PLCB1: variants seen among roughly 807,000 people sequenced by gnomAD.
PLCB1 encodes phospholipase C beta 1, also known as 1-phosphatidylinositol 4,5-bisphosphate phosphodiesterase beta-1.
Under a neutral mutation model 161.8 loss-of-function variants are expected in PLCB1, and 46 were observed. The ratio of observed to expected loss-of-function variants is 0.28; its 90% confidence interval spans 0.22 to 0.36. PLCB1 has a LOEUF of 0.36. Among genes scored for constraint, PLCB1 ranks in the 10% least tolerant of loss-of-function variants. PLCB1 has a pLI of 1.00. For synonymous variants in PLCB1, 517 were observed against 503.7 expected, an observed-to-expected ratio of 1.03 and a Z score of -0.35; for missense variants, 1,016 against 1,472.5, an observed-to-expected ratio of 0.69 and a Z score of 5.07.
intron 31 of PLCB1, among the ~76,000 whole-genome samples, chr20:8,846,381 T>C (rs78964584): frequency 0.016 from 2,343 of 150,940 alleles, 89 homozygotes; most frequent in African/African-American, 0.055. Context: ...ATCCAAACCA[T>C]ATCACCTATG....
chr20:8,854,402 A>G (rs1225459407), intron 31 of PLCB1, among the ~76,000 whole-genome samples: 2 of 152,176 alleles, frequency 1.3e-5, no homozygotes, highest in African/African-American at 4.8e-5. Context: ...ATTTCTTCCA[A>G]TAACACCATG....
chr20:8,355,181 ATGTGCT>A (rs139466423), intron 2 of PLCB1, among the ~76,000 whole-genome samples: 3 of 152,112 alleles, frequency 2.0e-5, no homozygotes, highest in Non-Finnish European at 4.4e-5. Context: ...CTAATATCCC[ATGTGCT>A]TGTGACTTTC....
chr20:8,319,431 G>A (rs750805448), intron 2 of PLCB1, among the ~76,000 whole-genome samples: 2 of 151,996 alleles, frequency 1.3e-5, no homozygotes, highest in Non-Finnish European at 2.9e-5. Context: ...TCACATGGTC[G>A]CTGGGCAGGG....
chr20:8,375,450 T>G (rs1333411516), intron 3 of PLCB1, among the ~76,000 whole-genome samples: 1 of 152,200 alleles, frequency 6.6e-6, no homozygotes. Flanking sequence ...TAAAATAAAC[T>G]TGATAAGAGT....
Position 8,132,633 on chromosome 20 carries a change from G to GGAGCCCAGAT in PLCB1, c.-7_3dup, listed in dbSNP as rs1368931709. ...CCTGCCGCGCTCGCCCGGGCCGCCC[G>GGAGCCCAGAT]GAGCCCAGATGAGCCCAGATGGCCG... On this transcript the variant is annotated 5_prime_UTR_variant, in exon 1 of 32. In the 5' UTR this introduces an upstream ATG that the reference lacks. Transcript: ENST00000338037. This position sits in a 1 kb window ranked among gnomAD's most constrained non-coding sequence, Gnocchi z 5.2. The GGAGCCCAGAT allele has an allele frequency of 1.3e-6, 2 of 1,584,996 alleles. No homozygotes were observed. The highest frequency in any genetic ancestry group is 1.7e-6 in the Non-Finnish European group (2 of 1,162,850).
At chr20:8,148,188 G>A (rs1176424646) in intron 1 of PLCB1, among the ~76,000 whole-genome samples, 1 of 152,156 alleles carries the variant, frequency 6.6e-6, no homozygotes, top group Non-Finnish European at 1.5e-5. Context: ...TGTGCAGCCT[G>A]TCAAAACTTT....
intron 3 of PLCB1, among the ~76,000 whole-genome samples, chr20:8,478,455 A>G (rs939934685): frequency 3.3e-5 from 5 of 152,232 alleles, no homozygotes; most frequent in African/African-American, 1.2e-4. Flanking sequence ...TAAGATGTGG[A>G]CATTCCATTG....
At chr20:8,617,122 G>A (rs1475352000) in intron 3 of PLCB1, among the ~76,000 whole-genome samples, 1 of 152,148 alleles carries the variant, frequency 6.6e-6, no homozygotes, top group African/African-American at 2.4e-5. Context: ...TTTCCCAGGA[G>A]CATAGAGTCA....
chr20:8,452,956 T>C, intron 3 of PLCB1, among the ~76,000 whole-genome samples: 1 of 152,210 alleles, frequency 6.6e-6, no homozygotes, highest in East Asian at 1.9e-4. Context: ...CCAGCTGACA[T>C]GGATGCCAGA....
intron 3 of PLCB1, among the ~76,000 whole-genome samples, chr20:8,560,782 A>AC (rs1186828976): frequency 6.6e-6 from 1 of 152,002 alleles, no homozygotes; most frequent in African/African-American, 2.4e-5. Context: ...CCAGTCTTTG[A>AC]CCATATGTGT....
At chr20:8,470,568 C>A (rs1982007875) in intron 3 of PLCB1, among the ~76,000 whole-genome samples, 1 of 152,062 alleles carries the variant, frequency 6.6e-6, no homozygotes, top group Non-Finnish European at 1.5e-5. Flanking sequence ...TCCTTTGAGA[C>A]AAGGTCTCAC....
At chr20:8,874,208 T>TTA (rs1484763165) in intron 31 of PLCB1, among the ~76,000 whole-genome samples, 1 of 137,030 alleles carries the variant, frequency 7.3e-6, no homozygotes, top group Admixed American at 7.4e-5. Flanking sequence ...TCAATTTTAT[T>TTA]TATATATATG....
At chr20:8,299,840 A>G (rs1983815185) in intron 2 of PLCB1, among the ~76,000 whole-genome samples, 1 of 151,772 alleles carries the variant, frequency 6.6e-6, no homozygotes, top group African/African-American at 2.4e-5. Context: ...ACTTCTCTCC[A>G]TTTTCACTTT....
At chr20:8,709,958 A>C (rs1418821003) in intron 12 of PLCB1, among the ~76,000 whole-genome samples, 2 of 152,198 alleles carry the variant, frequency 1.3e-5, no homozygotes, top group Non-Finnish European at 2.9e-5. Context: ...TTTGCTTTGC[A>C]ACTAGGTTCT....
chr20:8,675,321 G>A (rs1014110418), intron 9 of PLCB1, among the ~76,000 whole-genome samples: 2 of 152,168 alleles, frequency 1.3e-5, no homozygotes, highest in Non-Finnish European at 2.9e-5. Flanking sequence ...AAGTACCTGG[G>A]AGCTCAAGCT....
At chr20:8,733,797 A>G (rs1461635716) in intron 19 of PLCB1, among the ~76,000 whole-genome samples, 2 of 82,568 alleles carry the variant, frequency 2.4e-5, no homozygotes, top group African/African-American at 7.4e-5. Flanking sequence ...AATAATAATA[A>G]TAATAATAAT....
rs17345624 is a variant in PLCB1 at position 8,238,008 on chromosome 20, A to C, written c.177+87637A>C. On this transcript the variant is annotated intron_variant, in intron 2 of 31. Transcript: ENST00000338037. ...TTTAATATTTGACTCTTTTCTAAGAATTTAAAATTATTCTCAAAGACGAAA... is the reference window on the plus strand; with the variant it reads ...TTTAATATTTGACTCTTTTCTAAGACTTTAAAATTATTCTCAAAGACGAAA... Among the ~76,000 whole-genome samples, 1,023 of 152,230 alleles carry C rather than the reference A, an allele frequency of 6.7e-3. 5 individuals are homozygous for C. Among genetic ancestry groups the C allele is most frequent in the Non-Finnish European group, 0.011 (731 of 67,984 alleles).
At chr20:8,248,991 G>C (rs1372213316) in intron 2 of PLCB1, among the ~76,000 whole-genome samples, 1 of 151,882 alleles carries the variant, frequency 6.6e-6, no homozygotes, top group Admixed American at 6.6e-5. Flanking sequence ...TTTTAGGAAA[G>C]ACCAACTTAA....
At chr20:8,515,052 C>T (rs1043737960) in intron 3 of PLCB1, among the ~76,000 whole-genome samples, 6 of 152,010 alleles carry the variant, frequency 3.9e-5, no homozygotes, top group African/African-American at 1.4e-4. Context: ...TAGCTTATGA[C>T]AGGAAGACAA....
Sources: allele counts gnomAD v4.1 joint callset (sites outside exome capture counted in the v4.1 genomes callset), GRCh38; gene constraint gnomAD v4.1.1; non-coding constraint Gnocchi (gnomAD v3.1); transcripts MANE v1.5; gene names NCBI Gene and HGNC (gene_info 2026-07-23, HGNC 2026-07-21).